Variants in RPS6KC1 observed in about 807,000 individuals in gnomAD.
RPS6KC1 encodes the protein inactive ribosomal protein S6 kinase delta-1.
RPS6KC1 carries 54 observed loss-of-function variants against 103.8 expected under a neutral mutation model. The observed-to-expected ratio is 0.52, with a 90% CI of 0.42 to 0.65. The LOEUF is 0.65. RPS6KC1 is among the 30% of genes least tolerant of loss of function. RPS6KC1 has a pLI of 0.00. For missense variants in RPS6KC1, 1,151 were observed against 1,253.8 expected (o/e 0.92, Z 1.24); for synonymous variants, 439 against 438.7 (o/e 1.00, Z -0.01).
At chr1:213,185,904 A>C (rs149765883) in intron 8 of RPS6KC1, among the ~76,000 whole-genome samples, 56 of 151,548 alleles carry the variant, frequency 3.7e-4, no homozygotes, top group Non-Finnish European at 6.8e-4. Flanking sequence ...GCCAGTTACC[A>C]TGAGGCTTAC....
chr1:213,540,269 G>A, the RPS6KC1 span, among the ~76,000 whole-genome samples: 1 of 152,072 alleles, frequency 6.6e-6, no homozygotes, highest in African/African-American at 2.4e-5. Flanking sequence ...AGGACTACAG[G>A]CTATTCTTGG....
the RPS6KC1 span, among the ~76,000 whole-genome samples, chr1:213,805,714 A>G: frequency 6.6e-6 from 1 of 152,234 alleles, no homozygotes; most frequent in Non-Finnish European, 1.5e-5. Context: ...TCATCTTTTG[A>G]ATCACAAATC....
the RPS6KC1 span, among the ~76,000 whole-genome samples, chr1:213,346,458 A>G: frequency 2.6e-5 from 4 of 152,186 alleles, no homozygotes; most frequent in African/African-American, 9.7e-5. Flanking sequence ...GGAGATTCAA[A>G]TGATACTGTC....
chr1:213,246,106 C>G, intron 12 of RPS6KC1, among the ~76,000 whole-genome samples: 1 of 151,928 alleles, frequency 6.6e-6, no homozygotes, highest in Non-Finnish European at 1.5e-5. Flanking sequence ...AGCTGCAGAC[C>G]CATCAAGAGG....
chr1:213,325,518 C>T, the RPS6KC1 span, among the ~76,000 whole-genome samples: 7 of 152,224 alleles, frequency 4.6e-5, no homozygotes, highest in Admixed American at 1.3e-4. Context: ...CACTTTGCAT[C>T]TTTTGGGGAG....
the RPS6KC1 span, among the ~76,000 whole-genome samples, chr1:213,703,687 C>G: frequency 5.3e-5 from 8 of 152,222 alleles, no homozygotes; most frequent in Non-Finnish European, 7.4e-5. Flanking sequence ...TGTAAGGTTC[C>G]CACTGAAAAG....
chr1:213,206,091 G>A lies in RPS6KC1; in HGVS notation c.1045-24406G>A, dbSNP rs1477006524. Among the ~76,000 whole-genome samples, 4 of 152,184 alleles carry A rather than the reference G, an allele frequency of 2.6e-5. No individual in the cohort carries two copies. The East Asian group carries it at 7.7e-4, about 29-fold the overall frequency. On this transcript the variant is annotated intron_variant, in intron 8 of 14. Coordinates refer to ENST00000366960, the MANE Select transcript of RPS6KC1 (RefSeq NM_012424.6). Reference sequence around the variant, plus strand: ...TTTGAATACTATATTTGGATTTGTGGGTGTTTTTATTCCAAAGAGCTCAAA... The same window carrying A: ...TTTGAATACTATATTTGGATTTGTGAGTGTTTTTATTCCAAAGAGCTCAAA...
At chr1:213,692,280 A>G in the RPS6KC1 span, among the ~76,000 whole-genome samples, 98 of 152,058 alleles carry the variant, frequency 6.4e-4, no homozygotes, top group Non-Finnish European at 1.1e-3. Flanking sequence ...CTGTAGTCCC[A>G]GGTACCCAGG....
At chr1:213,677,011 GGA>G in the RPS6KC1 span, among the ~76,000 whole-genome samples, 1 of 152,208 alleles carries the variant, frequency 6.6e-6, no homozygotes, top group Admixed American at 6.5e-5. Flanking sequence ...TAGATAGATA[GGA>G]GAGAGGACAG....
the RPS6KC1 span, among the ~76,000 whole-genome samples, chr1:213,494,692 A>G: frequency 1.3e-5 from 2 of 152,072 alleles, no homozygotes; most frequent in African/African-American, 4.8e-5. Flanking sequence ...GGAGACCCAG[A>G]ACATTAGTAA....
chr1:213,505,799 G>T, the RPS6KC1 span, among the ~76,000 whole-genome samples: 1 of 152,212 alleles, frequency 6.6e-6, no homozygotes, highest in Admixed American at 6.5e-5. Flanking sequence ...CATATTTCCT[G>T]CCTTCTATCT....
At chr1:213,486,185 A>C in the RPS6KC1 span, among the ~76,000 whole-genome samples, 1 of 152,198 alleles carries the variant, frequency 6.6e-6, no homozygotes, top group East Asian at 1.9e-4. Context: ...ACATATATAC[A>C]CATATAACAA....
At chr1:213,299,274 G>T in the RPS6KC1 span, among the ~76,000 whole-genome samples, 2 of 152,168 alleles carry the variant, frequency 1.3e-5, no homozygotes, top group Non-Finnish European at 2.9e-5. Flanking sequence ...CTGTGGCCAG[G>T]CACAGTGGCT....
chr1:213,803,090 T>G, the RPS6KC1 span, among the ~76,000 whole-genome samples: 3 of 151,910 alleles, frequency 2.0e-5, no homozygotes, highest in Non-Finnish European at 2.9e-5. Flanking sequence ...AAAATCAGAG[T>G]CTTAGTAATT....
the RPS6KC1 span, among the ~76,000 whole-genome samples, chr1:213,636,833 A>G: frequency 2.0e-5 from 3 of 152,336 alleles, no homozygotes; most frequent in South Asian, 4.1e-4. Flanking sequence ...CAGGCAACCT[A>G]CAGAATGGGA....
chr1:213,597,339 G>A, the RPS6KC1 span, among the ~76,000 whole-genome samples: 2 of 152,288 alleles, frequency 1.3e-5, no homozygotes, highest in South Asian at 2.1e-4. Flanking sequence ...CAGGGGCGAG[G>A]CGAGCGCAGG....
At chr1:213,596,801 G>A in the RPS6KC1 span, among the ~76,000 whole-genome samples, 8 of 152,346 alleles carry the variant, frequency 5.3e-5, no homozygotes, top group East Asian at 1.5e-3. Context: ...ACTATGCCAA[G>A]AGTAGAAATA....
chr1:213,197,712 G>A (rs1429674291), intron 8 of RPS6KC1, among the ~76,000 whole-genome samples: 3 of 152,116 alleles, frequency 2.0e-5, no homozygotes, highest in Non-Finnish European at 4.4e-5. Context: ...TTTTGGATGA[G>A]TCTTTAGGGT....
chr1:213,742,892 G>A, the RPS6KC1 span, among the ~76,000 whole-genome samples: 14 of 152,254 alleles, frequency 9.2e-5, no homozygotes, highest in African/African-American at 3.4e-4. Context: ...ACAGATGCTG[G>A]GGAGGCTGCA....
Sources: allele counts gnomAD v4.1 joint callset (sites outside exome capture counted in the v4.1 genomes callset), GRCh38; gene constraint gnomAD v4.1.1; transcripts MANE v1.5; gene names NCBI Gene and HGNC (gene_info 2026-07-23, HGNC 2026-07-21).